Variants in LAMA2 observed in about 807,000 individuals in gnomAD.
LAMA2 encodes laminin subunit alpha-2.
In LAMA2, 269 loss-of-function variants were observed where a neutral mutation model predicts 364.8. The observed-to-expected ratio is 0.74, with a 90% confidence interval of 0.67 to 0.82. The LOEUF is 0.82. LAMA2 is among the 40% of genes least tolerant of loss of function. The pLI, the probability that LAMA2 is intolerant of heterozygous loss-of-function variation, is 0.00. For missense variants in LAMA2, 3,807 were observed against 3,873.2 expected (o/e 0.98, Z 0.45); for synonymous variants, 1,379 against 1,370.6 (o/e 1.01, Z -0.14).
chr6:128,906,224 TG>T (rs1362455110), intron 1 of LAMA2, among the ~76,000 whole-genome samples: 1 of 111,052 alleles, frequency 9.0e-6, no homozygotes, highest in Non-Finnish European at 1.8e-5. Flanking sequence ...ACTTCCACAA[TG>T]GTTGAACTAG....
intron 28 of LAMA2, among the ~76,000 whole-genome samples, chr6:129,326,755 TTA>T (rs896246343): frequency 6.9e-5 from 10 of 144,830 alleles, no homozygotes; most frequent in East Asian, 5.9e-4. Flanking sequence ...TATATATAAT[TTA>T]TATATATAAT....
intron 51 of LAMA2, among the ~76,000 whole-genome samples, chr6:129,472,827 T>G (rs1035540312): frequency 1.3e-5 from 2 of 151,998 alleles, no homozygotes; most frequent in African/African-American, 2.4e-5. Context: ...ATTAGGCATA[T>G]TTCTAATTAA....
intron 16 of LAMA2, among the ~76,000 whole-genome samples, chr6:129,269,759 A>C (rs751772886): frequency 6.6e-6 from 1 of 152,134 alleles, no homozygotes; most frequent in Non-Finnish European, 1.5e-5. Context: ...AAGTAAAACA[A>C]AAATCAAATC....
intron 12 of LAMA2, among the ~76,000 whole-genome samples, chr6:129,225,640 C>G (rs536051609): frequency 6.6e-6 from 1 of 151,936 alleles, no homozygotes; most frequent in African/African-American, 2.4e-5. Context: ...GTAGTTGAGC[C>G]GTTTTCAGTG....
chr6:129,188,353 G>A (rs1239476061), intron 10 of LAMA2, among the ~76,000 whole-genome samples: 1 of 151,854 alleles, frequency 6.6e-6, no homozygotes, highest in Non-Finnish European at 1.5e-5. Flanking sequence ...GGAAAATGTA[G>A]CTAATGTCTG....
chr6:129,187,580 G>T (rs545838406), intron 10 of LAMA2, among the ~76,000 whole-genome samples: 1 of 132,464 alleles, frequency 7.5e-6, no homozygotes, highest in Non-Finnish European at 1.6e-5. Context: ...GACTTTCTGA[G>T]GGCAGGGCCC....
chr6:129,360,494 T>C (rs890857768), intron 32 of LAMA2, among the ~76,000 whole-genome samples: 2 of 152,152 alleles, frequency 1.3e-5, no homozygotes, highest in African/African-American at 2.4e-5. Flanking sequence ...TACAGAAGCT[T>C]TGAAAAAATC....
intron 29 of LAMA2, among the ~76,000 whole-genome samples, chr6:129,335,263 G>T (rs1009165289): frequency 6.6e-6 from 1 of 152,000 alleles, no homozygotes; most frequent in African/African-American, 2.4e-5. Flanking sequence ...AAATTTTTTT[G>T]AAGACTAAAA....
chr6:128,963,002 C>A (rs1476809086), intron 1 of LAMA2, among the ~76,000 whole-genome samples: 1 of 152,052 alleles, frequency 6.6e-6, no homozygotes, highest in Non-Finnish European at 1.5e-5. Flanking sequence ...ATTTTTAGTA[C>A]CTCTGTTGTC....
At chr6:129,220,988 C>G (rs1177490716) in intron 12 of LAMA2, among the ~76,000 whole-genome samples, 2 of 151,980 alleles carry the variant, frequency 1.3e-5, no homozygotes, top group Non-Finnish European at 2.9e-5. Context: ...GCGGTGAAAC[C>G]CTGTCTCTAC....
In LAMA2 at chr6:129,456,487, A is replaced by T; in HGVS notation, c.6860A>T (p.Lys2287Ile). The T allele has an allele frequency of 6.2e-7, 1 of 1,612,986 alleles. No individual in the cohort carries two copies. Among genetic ancestry groups the T allele is most frequent in the South Asian group, 1.1e-5 (1 of 91,066 alleles). ...AMLFVGGLTG[K>I]LKKADAVRVI... is the part of the protein sequence containing the mutation. ...CTGTTTGTTGGTGGCCTGACTGGGA[A>T]ATTAAAGGTAATGTGTTCATCCTCC... The change falls in exon 48 of 65, where the codon AAA becomes ATA. Residue 2287 changes from lysine (K) to isoleucine (I), a missense_variant. Lys to Ile is a moderately radical substitution (Grantham distance 102, BLOSUM62 -3). Around this residue, in one of 3 missense-constraint regions of LAMA2, gnomAD observed 3,333 missense variants for 3,345.7 expected, o/e 1.00. Coordinates refer to ENST00000421865, the MANE Select transcript of LAMA2 (RefSeq NM_000426.4).
At chr6:129,060,348 C>T (rs1258053563) in intron 3 of LAMA2, among the ~76,000 whole-genome samples, 1 of 152,180 alleles carries the variant, frequency 6.6e-6, no homozygotes, top group African/African-American at 2.4e-5. Flanking sequence ...TTGACAGTTG[C>T]TTTCAAGTTA....
intron 61 of LAMA2, among the ~76,000 whole-genome samples, chr6:129,506,570 C>A (rs1786094260): frequency 6.6e-6 from 1 of 151,950 alleles, no homozygotes; most frequent in Non-Finnish European, 1.5e-5. Flanking sequence ...TCAATATTCA[C>A]AAAATAATTT....
chr6:129,441,223 G>A (rs1333105163), intron 43 of LAMA2, among the ~76,000 whole-genome samples: 1 of 152,130 alleles, frequency 6.6e-6, no homozygotes, highest in Non-Finnish European at 1.5e-5. Flanking sequence ...TTTTCCAGTT[G>A]AGAAGAGATT....
chr6:129,319,993 C>T (rs780702958), intron 27 of LAMA2, among the ~76,000 whole-genome samples: 7 of 151,970 alleles, frequency 4.6e-5, no homozygotes, highest in Non-Finnish European at 7.4e-5. Flanking sequence ...ATTAGCTGGG[C>T]GTGGTGTTGC....
chr6:129,441,093 A>C, intron 43 of LAMA2, 95 bp downstream of exon 43: 1 of 1,070,942 alleles, frequency 9.3e-7, no homozygotes, highest in Non-Finnish European at 1.4e-6. Flanking sequence ...AAAGACCCTC[A>C]TGGTGGTGTA....
intron 20 of LAMA2, among the ~76,000 whole-genome samples, chr6:129,294,998 A>G (rs931642754): frequency 3.3e-5 from 5 of 152,336 alleles, no homozygotes; most frequent in Non-Finnish European, 5.9e-5. Context: ...CAAGCCCTAC[A>G]TATCTTACAG....
At chr6:129,022,062 C>T (rs1357775041) in intron 1 of LAMA2, among the ~76,000 whole-genome samples, 1 of 152,152 alleles carries the variant, frequency 6.6e-6, no homozygotes, top group Non-Finnish European at 1.5e-5. Flanking sequence ...ATCAACCATG[C>T]TAGTAAAAAT....
intron 1 of LAMA2, among the ~76,000 whole-genome samples, chr6:128,987,140 G>GTTTTT (rs764115716): frequency 2.5e-5 from 3 of 121,356 alleles, no homozygotes; most frequent in East Asian, 5.8e-4. Flanking sequence ...TTTTTTTTTT[G>GTTTTT]TTTTTTTTTT....
Sources: gnomAD v4.1 joint callset for allele counts (sites outside exome capture counted in the v4.1 genomes callset) on GRCh38, gnomAD v4.1.1 for gene constraint, gnomAD v4.1.1 regional missense constraint, MANE v1.5 for transcripts, NCBI Gene and HGNC (gene_info 2026-07-23, HGNC 2026-07-21) for gene names.